Variants in TBC1D25 observed in about 807,000 individuals in gnomAD.
The protein encoded by TBC1D25 is TBC1 domain family member 25.
TBC1D25 carries 13 observed loss-of-function variants against 38.8 expected under a neutral mutation model. The ratio of observed to expected loss-of-function variants is 0.34; its 90% confidence interval spans 0.22 to 0.53. The LOEUF is 0.53. Ranked by LOEUF, TBC1D25 falls within the 20% of genes least tolerant of loss-of-function variation. TBC1D25 has a pLI of 0.94. For synonymous variants in TBC1D25, 225 were observed against 255.6 expected (o/e 0.88, Z 1.14); for missense variants, 372 against 600.0 (o/e 0.62, Z 3.97).
intron 3 of TBC1D25, among the ~76,000 whole-genome samples, chrX:48,554,802 C>T (rs1450042146): frequency 8.9e-6 from 1 of 111,844 alleles, no homozygotes; most frequent in East Asian, 2.8e-4. Flanking sequence ...ATCATTGAAC[C>T]TTAGCTCCAT....
intron 3 of TBC1D25, among the ~76,000 whole-genome samples, chrX:48,554,337 C>T (rs1174052309): frequency 9.0e-6 from 1 of 110,769 alleles, no homozygotes; most frequent in Non-Finnish European, 1.9e-5. Flanking sequence ...ATCACTTGAA[C>T]TCAGGAGTTC....
At chrX:48,545,546 G>A (rs112143233) in intron 3 of TBC1D25, among the ~76,000 whole-genome samples, 10 of 111,720 alleles carry the variant, frequency 9.0e-5, no homozygotes, top group Non-Finnish European at 1.7e-4. Context: ...TCATTCATTT[G>A]TTCCCTTGAC....
intron 3 of TBC1D25, among the ~76,000 whole-genome samples, chrX:48,551,562 G>T (rs2061933423): frequency 9.1e-6 from 1 of 109,891 alleles, no homozygotes; most frequent in African/African-American, 3.3e-5. Flanking sequence ...TCTTGACCTT[G>T]TGATCCGCCC....
At chrX:48,552,793 CT>C (rs1216114960) in intron 3 of TBC1D25, among the ~76,000 whole-genome samples, 129 of 101,012 alleles carry the variant, frequency 1.3e-3, no homozygotes, top group South Asian at 2.1e-3. Flanking sequence ...GCTTAGACAA[CT>C]TTTTTTTTTT....
intron 3 of TBC1D25, among the ~76,000 whole-genome samples, chrX:48,558,015 G>A (rs1391513897): frequency 9.2e-6 from 1 of 108,251 alleles, no homozygotes; most frequent in Non-Finnish European, 1.9e-5. Flanking sequence ...GGAGGCTGAG[G>A]CAGGAGAATC....
chrX:48,541,228 C>G, intron 1 of TBC1D25, 105 bp from the exon 2 acceptor site: 1 of 674,134 alleles, frequency 1.5e-6, no homozygotes, highest in Non-Finnish European at 2.4e-6. Context: ...CTGCCTTGAT[C>G]TGGCCCCTGG....
Position 48,539,824 on chromosome X carries a change from C to T in TBC1D25, c.27C>T (p.Asp9=). 1.0e-6 allele frequency: 1 copy of T among 966,726 alleles called. No homozygotes were observed. Among genetic ancestry groups the T allele is most frequent in the Non-Finnish European group, 1.3e-6 (1 of 768,607 alleles). The allele number at this position is 966,726 out of a possible 1,213,427, so 79.7% of individuals were successfully genotyped here. MATASGAS[D]LSGSGAPPPG... is the part of the protein sequence containing the mutation. ...TGGCAACAGCCTCCGGGGCCTCGGA[C>T]TTGTCTGGCTCCGGAGCGCCCCCGC... Residue 9 remains aspartate, a synonymous_variant, in exon 1 of 6, where the codon GAC becomes GAT. Coordinates refer to ENST00000376771, the MANE Select transcript of TBC1D25 (RefSeq NM_002536.4).
At chrX:48,552,014 T>G (rs2061938009) in intron 3 of TBC1D25, among the ~76,000 whole-genome samples, 1 of 111,189 alleles carries the variant, frequency 9.0e-6, no homozygotes, top group Admixed American at 9.7e-5. Flanking sequence ...GAGTGATGCT[T>G]TTTCTGACAT....
intron 3 of TBC1D25, among the ~76,000 whole-genome samples, chrX:48,554,223 C>A (rs1189646363): frequency 9.3e-6 from 1 of 107,117 alleles, no homozygotes; most frequent in Non-Finnish European, 1.9e-5. Flanking sequence ...AGCCATTGCG[C>A]CCAGTCTAAG....
intron 3 of TBC1D25, among the ~76,000 whole-genome samples, chrX:48,550,479 A>T (rs1323784726): frequency 3.0e-5 from 3 of 101,204 alleles, no homozygotes; most frequent in East Asian, 3.1e-4. Flanking sequence ...TTGTGGTCAA[A>T]TTTTTTTTTT....
rs1232594309 is a variant in TBC1D25 at position 48,561,179 on chromosome X, GTT to G, written c.*207_*208del. On this transcript the variant is annotated 3_prime_UTR_variant, in exon 6 of 6. Coordinates refer to ENST00000376771, the MANE Select transcript of TBC1D25 (RefSeq NM_002536.4). Reference sequence around the variant, plus strand: ...CACGCCTATTTATTCTGTTTCTGTTGTTTTGTTTTTAACAACTATACTTTGCA... The same window carrying G: ...CACGCCTATTTATTCTGTTTCTGTTGTTGTTTTTAACAACTATACTTTGCA... The G allele has an allele frequency of 2.3e-6, 1 of 431,906 alleles. No individual in the cohort carries two copies. Among genetic ancestry groups the G allele is most frequent in the African/African-American group, 2.5e-5 (1 of 40,681 alleles). The allele number at this position is 431,906 out of a possible 1,213,427, so 35.6% of individuals were successfully genotyped here. A position where few individuals can be genotyped will look rare whatever the true frequency, so the allele number is the denominator to read the frequency against.
At chrX:48,547,325 G>A (rs782253319) in intron 3 of TBC1D25, among the ~76,000 whole-genome samples, 1 of 111,855 alleles carries the variant, frequency 8.9e-6, no homozygotes, top group Non-Finnish European at 1.9e-5. Context: ...AGGAGAGAGA[G>A]AAACAAGAGT....
chrX:48,539,743 T>C lies in TBC1D25; in HGVS notation c.-55T>C. On this transcript the variant is annotated 5_prime_UTR_variant, in exon 1 of 6. Transcript: ENST00000376771. ...CGGCGGGCGTCAGTACAGTAGAGTG[T>C]GCGCCGGGGTGGGGGGCAACGGTCA... The C allele has an allele frequency of 1.1e-6, 1 of 926,690 alleles. No homozygotes were observed. Among genetic ancestry groups the C allele is most frequent in the Non-Finnish European group, 1.3e-6 (1 of 749,408 alleles). 76.4% of individuals were successfully genotyped at this position (926,690 alleles called of 1,213,427 possible). A position where few individuals can be genotyped will look rare whatever the true frequency, so the allele number is the denominator to read the frequency against.
At chrX:48,541,127 G>A (rs2061835381) in intron 1 of TBC1D25, among the ~76,000 whole-genome samples, 1 of 111,917 alleles carries the variant, frequency 8.9e-6, no homozygotes, top group Non-Finnish European at 1.9e-5. Context: ...GGTGATTCTG[G>A]CAACCATAGT....
intron 2 of TBC1D25, among the ~76,000 whole-genome samples, chrX:48,542,561 C>T (rs1253963455): frequency 1.2e-4 from 13 of 104,496 alleles, no homozygotes; most frequent in African/African-American, 4.6e-4. Context: ...GATGTTGGCT[C>T]ATTGCAGCCT....
At chrX:48,556,475 C>T (rs910135143) in intron 3 of TBC1D25, among the ~76,000 whole-genome samples, 1 of 111,149 alleles carries the variant, frequency 9.0e-6, no homozygotes, top group Non-Finnish European at 1.9e-5. Context: ...TCTTCCTTTT[C>T]TGCATAGACA....
intron 3 of TBC1D25, among the ~76,000 whole-genome samples, chrX:48,556,883 A>G (rs1205734766): frequency 9.1e-6 from 1 of 110,128 alleles, no homozygotes; most frequent in Non-Finnish European, 1.9e-5. Context: ...TGCTGCTTCA[A>G]CCACCACATC....
intron 3 of TBC1D25, 48 bp downstream of exon 3, chrX:48,545,071 C>T (rs1556981299): frequency 1.7e-6 from 2 of 1,189,792 alleles, no homozygotes; most frequent in Non-Finnish European, 2.3e-6. Flanking sequence ...CCCCTTTACC[C>T]CATAGGGTGA....
chrX:48,553,616 C>CTTTTTTTT (rs1209605714), intron 3 of TBC1D25, among the ~76,000 whole-genome samples: 28 of 53,283 alleles, frequency 5.3e-4, no homozygotes, highest in Non-Finnish European at 7.2e-4. Flanking sequence ...TTTTCTTTTT[C>CTTTTTTTT]TTTTTTTTTT....
Sources: gnomAD v4.1 joint callset for allele counts (sites outside exome capture counted in the v4.1 genomes callset) on GRCh38, gnomAD v4.1.1 for gene constraint, MANE v1.5 for transcripts, NCBI Gene and HGNC (gene_info 2026-07-23, HGNC 2026-07-21) for gene names.